The following CIT variants were observed in gnomAD, a reference collection of about 807,000 sequenced individuals.
The protein encoded by CIT is citron Rho-interacting kinase.
A neutral mutation model predicts 272.7 loss-of-function variants in CIT; 79 were observed. That is an observed-to-expected ratio of 0.29 (90% CI 0.24 to 0.35). The LOEUF (loss-of-function observed/expected upper bound fraction) is 0.35, where lower values mean the gene tolerates loss of function less well. Ranked by LOEUF, CIT falls within the 10% of genes least tolerant of loss-of-function variation. The pLI is 1.00. For missense variants in CIT, 1,909 were observed against 2,618.3 expected, an observed-to-expected ratio of 0.73 and a Z score of 5.91; for synonymous variants, 948 against 995.6, an observed-to-expected ratio of 0.95 and a Z score of 0.90.
chr12:119,777,050 T>C (rs1338544088), intron 13 of CIT, among the ~76,000 whole-genome samples: 2 of 149,796 alleles, frequency 1.3e-5, no homozygotes, highest in East Asian at 2.0e-4. Context: ...ACGTCAGGAG[T>C]TCAAGACCAT....
chr12:119,702,085 C>A, intron 41 of CIT, 127 bp from the exon 42 acceptor site: 1 of 687,430 alleles, frequency 1.5e-6, no homozygotes, highest in Non-Finnish European at 2.5e-6. Context: ...AGCTTGTTCA[C>A]GTTGTCATAG....
At position 119,752,175 on chromosome 12, in the gene CIT, C is replaced by A; in HGVS notation, c.2779G>T (p.Glu927Ter). ...QLTELQLSLQ[E>*]RESQLTALQA... ...AGGGCTGTCAACTGTGACTCGCGCT[C>A]CTGCAGGGAGAGCTGTAGCTCTGTG... The change falls in exon 23 of 48, where the codon GAG becomes TAG. Residue 927 changes from glutamate to a stop codon, truncating the protein, a stop_gained. Transcript: ENST00000392521. LOFTEE classifies it high-confidence loss of function. The A allele has an allele frequency of 6.2e-7, 1 of 1,612,488 alleles. No homozygotes were observed.
At chr12:119,744,986 G>A (rs151228479) in intron 23 of CIT, among the ~76,000 whole-genome samples, 4 of 152,068 alleles carry the variant, frequency 2.6e-5, no homozygotes, top group African/African-American at 9.6e-5. Context: ...ACAACTTCAA[G>A]TAGCCTAACA....
At chr12:119,775,883 A>G in intron 15 of CIT, 44 bp from the exon 16 acceptor site, 1 of 1,491,466 alleles carries the variant, frequency 6.7e-7, no homozygotes. Flanking sequence ...GCAAATCAGC[A>G]TTAACATCTT....
At chr12:119,696,701 ATT>A (rs1368059655) in intron 46 of CIT, among the ~76,000 whole-genome samples, 2 of 151,888 alleles carry the variant, frequency 1.3e-5, no homozygotes, top group Non-Finnish European at 2.9e-5. Flanking sequence ...TAATTTTTGT[ATT>A]TTTTGTAGAG....
chr12:119,753,694 G>A lies in CIT; in HGVS notation c.2707-1447C>T, dbSNP rs927251081. Among the ~76,000 whole-genome samples the A allele has an allele frequency of 1.2e-4, 18 of 150,528 alleles. 1 individual carries two copies. The highest frequency in any genetic ancestry group is 2.7e-4 in the African/African-American group (11 of 40,660). On this transcript the variant is annotated intron_variant, in intron 22 of 47. Coordinates refer to ENST00000392521, the MANE Select transcript of CIT (RefSeq NM_001206999.2). The stretch of plus-strand genomic sequence containing the variant: ...AGAGGTTGCAGTGGGCCAAGATTGC[G>A]CCATTGTACTCCAGCCTGGGTGACA...
chr12:119,763,862 C>T (rs1228737539), intron 19 of CIT, among the ~76,000 whole-genome samples: 1 of 152,132 alleles, frequency 6.6e-6, no homozygotes, highest in Non-Finnish European at 1.5e-5. Flanking sequence ...GAGCGGCAGC[C>T]ATTTCTAATA....
intron 3 of CIT, among the ~76,000 whole-genome samples, chr12:119,864,537 A>C (rs1003339706): frequency 6.6e-6 from 1 of 152,128 alleles, no homozygotes; most frequent in Non-Finnish European, 1.5e-5. Context: ...GGGTTTCAGC[A>C]TGTTGCCCAG....
intron 10 of CIT, among the ~76,000 whole-genome samples, chr12:119,797,288 T>C (rs1965806577): frequency 6.6e-6 from 1 of 152,180 alleles, no homozygotes; most frequent in African/African-American, 2.4e-5. Flanking sequence ...TTCCTAAAGG[T>C]ATCTTTAAGA....
chr12:119,864,431 C>T (rs1950458076), intron 3 of CIT, among the ~76,000 whole-genome samples: 1 of 152,088 alleles, frequency 6.6e-6, no homozygotes, highest in Non-Finnish European at 1.5e-5. Flanking sequence ...CACCTCCCAG[C>T]TTCAAGCAAT....
At position 119,713,744 on chromosome 12, in the gene CIT, C is replaced by A; in HGVS notation, c.4307-96G>T. ...CAACGCCTGGGCTTCTCTACCCCAGCCGGGCCCAGAGAGTCTGGCCCTGGC... is the reference window on the plus strand; with the variant it reads ...CAACGCCTGGGCTTCTCTACCCCAGACGGGCCCAGAGAGTCTGGCCCTGGC... On this transcript the variant is annotated intron_variant, in intron 33 of 47. Coordinates refer to ENST00000392521, the MANE Select transcript of CIT (RefSeq NM_001206999.2). This position sits in a 1 kb window ranked among gnomAD's most constrained non-coding sequence, Gnocchi z 5.2. The A allele has an allele frequency of 1.5e-6, 2 of 1,340,604 alleles. No individual in the cohort carries two copies. Among genetic ancestry groups the A allele is most frequent in the African/African-American group, 1.4e-5 (1 of 69,546 alleles). The allele number at this position is 1,340,604 out of a possible 1,614,324, so 83.0% of individuals were successfully genotyped here.
At position 119,704,481 on chromosome 12, in the gene CIT, A is replaced by G. The variant is rs758444216; in HGVS notation, c.5212-26T>C. ...CTGAAAAGCAACCAAGAAAAGAAAA[A>G]GACTGTCACCAGTGTGATACCGGCT... On this transcript the variant is annotated intron_variant, in intron 40 of 47. Transcript: ENST00000392521. 18 of 1,606,058 alleles carry G rather than the reference A, an allele frequency of 1.1e-5. No homozygotes were observed. The African/African-American group carries it at 2.0e-4, about 18-fold the overall frequency.
chr12:119,867,032 G>T (rs998759281), intron 3 of CIT, among the ~76,000 whole-genome samples: 5 of 152,010 alleles, frequency 3.3e-5, no homozygotes, highest in Non-Finnish European at 7.4e-5. Context: ...GCCCAGCTGG[G>T]CCCAGCCTCC....
At chr12:119,759,135 G>A (rs1444987870) in intron 20 of CIT, among the ~76,000 whole-genome samples, 1 of 152,168 alleles carries the variant, frequency 6.6e-6, no homozygotes, top group African/African-American at 2.4e-5. Context: ...CTCCACAGCA[G>A]GGGTCTCCAA....
At chr12:119,782,729 C>T (rs887790919) in intron 12 of CIT, 92 bp from the exon 13 acceptor site, 9 of 1,484,768 alleles carry the variant, frequency 6.1e-6, no homozygotes, top group Non-Finnish European at 8.2e-6. Context: ...GCTTCGCAGA[C>T]ACCAGGACAG....
At chr12:119,700,711 CA>C in intron 44 of CIT, 33 bp downstream of exon 44, 1 of 1,378,662 alleles carries the variant, frequency 7.3e-7, no homozygotes, top group Non-Finnish European at 9.9e-7. Context: ...CAGCTGCTGG[CA>C]AAAGAGAAGC....
At position 119,687,320 on chromosome 12, in the gene CIT, C is replaced by G. The variant is rs1955634397; in HGVS notation, c.*912G>C. The G allele has an allele frequency of 6.6e-6, 1 of 152,458 alleles. No homozygotes were observed. The highest frequency in any genetic ancestry group is 1.5e-5 in the Non-Finnish European group (1 of 68,034). 9.4% of individuals were successfully genotyped at this position (152,458 alleles called of 1,614,324 possible). On this transcript the variant is annotated 3_prime_UTR_variant, in exon 48 of 48. Transcript: ENST00000392521. ...GCCGTCACAGACAAGGAAGTGGGTG[C>G]CCCCGTCCCCTCCCCGACCCCGAGA...
chr12:119,761,007 C>T lies in CIT; in HGVS notation c.2353G>A (p.Glu785Lys). 6.2e-7 allele frequency: 1 copy of T among 1,614,182 alleles called. No homozygotes were observed. Among genetic ancestry groups the T allele is most frequent in the Non-Finnish European group, 8.5e-7 (1 of 1,180,020 alleles). ...KKDLADKETL[E>K]NMMQRHEEEA... ...TCCTCGTGTCTCTGCATCATGTTCT[C>T]CAGTGTCTCCTTGTCAGCCAGGTCT... Residue 785 changes from glutamate (E) to lysine (K), a missense_variant, in exon 20 of 48, where the codon GAG becomes AAG. Around this residue, in one of 8 missense-constraint regions of CIT, gnomAD observed 530 missense variants for 822.4 expected, o/e 0.64. Transcript: ENST00000392521.
intron 10 of CIT, among the ~76,000 whole-genome samples, chr12:119,799,841 GT>G (rs3999586): frequency 6.3e-4 from 92 of 146,472 alleles, no homozygotes; most frequent in Admixed American, 1.1e-3. Flanking sequence ...AACTTTATGA[GT>G]TTTTTTTTTT....
Sources: gnomAD v4.1 joint callset for allele counts (sites outside exome capture counted in the v4.1 genomes callset) on GRCh38, gnomAD v4.1.1 for gene constraint, gnomAD v4.1.1 regional missense constraint, Gnocchi (gnomAD v3.1) non-coding constraint, MANE v1.5 for transcripts, NCBI Gene and HGNC (gene_info 2026-07-23, HGNC 2026-07-21) for gene names.